Variants in FBXL13 observed in about 807,000 individuals in gnomAD.
FBXL13 encodes F-box and leucine-rich repeat protein 13.
Under a neutral mutation model 83.6 loss-of-function variants are expected in FBXL13, and 67 were observed. That is an observed-to-expected ratio of 0.80 (90% CI 0.66 to 0.98). The LOEUF (loss-of-function observed/expected upper bound fraction) is 0.98, where lower values mean the gene tolerates loss of function less well. FBXL13 is among the 50% of genes least tolerant of loss of function. The probability of loss-of-function intolerance (pLI) is 0.00; values close to 1 mark genes in which losing one functional copy is unlikely to be tolerated. For synonymous variants in FBXL13, 272 were observed against 299.5 expected (o/e 0.91, Z 0.95); for missense variants, 822 against 866.5 (o/e 0.95, Z 0.64).
intron 6 of FBXL13, among the ~76,000 whole-genome samples, chr7:103,003,086 TTTTC>T (rs943439431): frequency 1.3e-5 from 2 of 152,148 alleles, no homozygotes; most frequent in East Asian, 1.9e-4. Flanking sequence ...TCTTCATTCC[TTTTC>T]TTTCTTTAAT....
intron 2 of FBXL13, among the ~76,000 whole-genome samples, chr7:103,043,948 A>G (rs148753050): frequency 6.6e-6 from 1 of 152,362 alleles, no homozygotes; most frequent in Non-Finnish European, 1.5e-5. Flanking sequence ...CAATTAATAC[A>G]GAATGATATT....
intron 17 of FBXL13, among the ~76,000 whole-genome samples, chr7:102,848,809 G>A (rs1303919377): frequency 6.6e-6 from 1 of 151,894 alleles, no homozygotes; most frequent in African/African-American, 2.4e-5. Context: ...GACCAGTCTG[G>A]CCAACATGGT....
intron 14 of FBXL13, among the ~76,000 whole-genome samples, chr7:102,879,282 T>C (rs536529667): frequency 6.6e-6 from 1 of 152,256 alleles, no homozygotes; most frequent in East Asian, 1.9e-4. Context: ...GTTTACACCC[T>C]CCGTTTGTTC....
intron 11 of FBXL13, among the ~76,000 whole-genome samples, chr7:102,886,697 T>C (rs1193412698): frequency 6.6e-6 from 1 of 152,162 alleles, no homozygotes; most frequent in African/African-American, 2.4e-5. Flanking sequence ...CATGAATAAA[T>C]GGAGGAATGT....
intron 6 of FBXL13, among the ~76,000 whole-genome samples, chr7:103,013,563 A>G (rs1459874254): frequency 6.6e-6 from 1 of 152,266 alleles, no homozygotes; most frequent in Non-Finnish European, 1.5e-5. Context: ...TAAGGCAGAA[A>G]TCAAGAAATT....
chr7:102,852,759 C>T (rs1805457913), intron 17 of FBXL13, among the ~76,000 whole-genome samples: 1 of 152,142 alleles, frequency 6.6e-6, no homozygotes, highest in Non-Finnish European at 1.5e-5. Flanking sequence ...ACTAGTACAG[C>T]CACTATGAAA....
At chr7:102,927,559 A>G (rs1340148144) in intron 9 of FBXL13, among the ~76,000 whole-genome samples, 1 of 152,216 alleles carries the variant, frequency 6.6e-6, no homozygotes, top group Non-Finnish European at 1.5e-5. Flanking sequence ...TCACACTCAG[A>G]TAGGAATTGG....
At chr7:102,989,623 C>T (rs541258753) in intron 6 of FBXL13, among the ~76,000 whole-genome samples, 1 of 152,172 alleles carries the variant, frequency 6.6e-6, no homozygotes, top group Non-Finnish European at 1.5e-5. Context: ...GGGAGGCCTG[C>T]AGTTGTTCAG....
At chr7:102,899,540 A>G (rs1042075900) in intron 11 of FBXL13, among the ~76,000 whole-genome samples, 20 of 152,214 alleles carry the variant, frequency 1.3e-4, no homozygotes, top group African/African-American at 4.8e-4. Flanking sequence ...CAGGGAGCAC[A>G]GAATCTATAT....
In FBXL13 at chr7:103,014,315, A is replaced by G. The variant is rs187266092; in HGVS notation, c.495+10748T>C. ...GGCTGCAGTGAGCCATGATCACACTACTGCACTCCAGCCTGGGTGACAGAG... is the reference window on the plus strand; with the variant it reads ...GGCTGCAGTGAGCCATGATCACACTGCTGCACTCCAGCCTGGGTGACAGAG... On this transcript the variant is annotated intron_variant, in intron 6 of 19. Transcript: ENST00000313221. Among the ~76,000 whole-genome samples, 726 of 152,166 alleles carry G rather than the reference A, an allele frequency of 4.8e-3. 6 individuals carry two copies. The highest frequency in any genetic ancestry group is 0.017 in the African/African-American group (687 of 41,498).
chr7:103,018,168 T>C (rs1792619163), intron 6 of FBXL13, among the ~76,000 whole-genome samples: 1 of 152,178 alleles, frequency 6.6e-6, no homozygotes, highest in African/African-American at 2.4e-5. Flanking sequence ...GGGGCCAATA[T>C]TCAAAATTCT....
chr7:102,866,083 A>G (rs746980816), intron 16 of FBXL13, among the ~76,000 whole-genome samples: 7 of 152,228 alleles, frequency 4.6e-5, no homozygotes, highest in Non-Finnish European at 1.0e-4. Context: ...TCTAAAGGAA[A>G]GCAAGCTTTG....
intron 17 of FBXL13, among the ~76,000 whole-genome samples, chr7:102,835,600 A>ATT (rs1384220974): frequency 9.6e-6 from 1 of 104,290 alleles, no homozygotes; most frequent in Non-Finnish European, 2.0e-5. Context: ...GTAAGGTGAC[A>ATT]TTGTTTTTTT....
At chr7:102,912,043 T>C (rs940225749) in intron 11 of FBXL13, among the ~76,000 whole-genome samples, 5 of 152,142 alleles carry the variant, frequency 3.3e-5, no homozygotes, top group Admixed American at 1.3e-4. Context: ...GCCCCTGTAT[T>C]TCCCACTATC....
intron 6 of FBXL13, among the ~76,000 whole-genome samples, chr7:103,017,561 C>T (rs117857550): frequency 0.039 from 5,869 of 152,174 alleles, 162 homozygotes; most frequent in Middle Eastern, 0.082. Context: ...ATCGTAAAGA[C>T]GCTAAAAACC....
At chr7:102,884,372 G>A in intron 11 of FBXL13, 60 bp from the exon 13 acceptor site, 1 of 1,262,778 alleles carries the variant, frequency 7.9e-7, no homozygotes, top group Non-Finnish European at 1.1e-6. Flanking sequence ...AAATCCAAGG[G>A]AGTAATAACC....
chr7:102,991,815 T>A (rs568020233), intron 6 of FBXL13, among the ~76,000 whole-genome samples: 3 of 152,146 alleles, frequency 2.0e-5, no homozygotes, highest in African/African-American at 7.2e-5. Flanking sequence ...GAAAGAAAAA[T>A]ACTTAACAAG....
intron 18 of FBXL13, among the ~76,000 whole-genome samples, chr7:102,822,764 A>C (rs1798978884): frequency 6.6e-6 from 1 of 152,248 alleles, no homozygotes; most frequent in South Asian, 2.1e-4. Context: ...ATCTGCCTCA[A>C]GTAGCACCAA....
intron 11 of FBXL13, among the ~76,000 whole-genome samples, chr7:102,887,300 T>C (rs1415219689): frequency 6.6e-6 from 1 of 152,008 alleles, no homozygotes. Context: ...ACATGACAGT[T>C]TGAAAAGTGC....
Sources: gnomAD v4.1 joint callset for allele counts (sites outside exome capture counted in the v4.1 genomes callset) on GRCh38, gnomAD v4.1.1 for gene constraint, MANE v1.5 for transcripts, NCBI Gene and HGNC (gene_info 2026-07-23, HGNC 2026-07-21) for gene names.